Variants in MTARC2 observed in about 807,000 individuals in gnomAD.
MTARC2 encodes the protein MOCO sulphurase C-terminal domain containing 2.
Under a neutral mutation model 35.6 loss-of-function variants are expected in MTARC2, and 27 were observed. The observed-to-expected ratio is 0.76, with a 90% CI of 0.56 to 1.04. The LOEUF is 1.04. Ranked by LOEUF, MTARC2 falls within the 50% of genes least tolerant of loss-of-function variation. The pLI, the probability that MTARC2 is intolerant of heterozygous loss-of-function variation, is 0.00. For synonymous variants in MTARC2, 158 were observed against 167.1 expected, an observed-to-expected ratio of 0.95 and a Z score of 0.42; for missense variants, 412 against 432.5, an observed-to-expected ratio of 0.95 and a Z score of 0.42.
At chr1:220,770,687 T>C (rs1671719128) in intron 4 of MTARC2, 1 of 518,450 alleles carries the variant, frequency 1.9e-6, no homozygotes, top group Non-Finnish European at 2.5e-6. Context: ...CTACTGCCTT[T>C]GGGAATTCAA....
rs536582727 is a variant in MTARC2, at chr1:220,777,262, T to C, written c.751-2756T>C. On this transcript the variant is annotated intron_variant, in intron 4 of 7. Coordinates refer to ENST00000366913, the MANE Select transcript of MTARC2 (RefSeq NM_017898.5). ...TTACTTTAGTCTCTAGCTGTGGTCA[T>C]GCCCTGTAGGAGATTTCTGAGTTTT... Among the ~76,000 whole-genome samples, 13 of 152,324 alleles carry C rather than the reference T, an allele frequency of 8.5e-5. 1 individual carries two copies. The South Asian group carries it at 2.3e-3, about 27-fold the overall frequency.
intron 4 of MTARC2, among the ~76,000 whole-genome samples, chr1:220,777,565 C>T (rs932056940): frequency 5.3e-5 from 8 of 152,156 alleles, no homozygotes; most frequent in Non-Finnish European, 1.0e-4. Context: ...ATTGTTTCTC[C>T]GAATTCCTTA....
chr1:220,770,822 T>A lies in MTARC2; in HGVS notation c.750+7772T>A, dbSNP rs370808488. Among the ~76,000 whole-genome samples, 12 of 152,340 alleles carry A rather than the reference T, an allele frequency of 7.9e-5. 1 individual carries two copies. Among genetic ancestry groups the A allele is most frequent in the African/African-American group, 2.9e-4 (12 of 41,578 alleles). ...AAATTCTCGTGGCCGTAACCTCCCC[T>A]GAGAGGAAACTGGTATGTGGGTGGA... On this transcript the variant is annotated intron_variant, in intron 4 of 7. Transcript: ENST00000366913.
At chr1:220,759,478 G>A (rs967074381) in intron 2 of MTARC2, among the ~76,000 whole-genome samples, 2 of 141,634 alleles carry the variant, frequency 1.4e-5, no homozygotes, top group African/African-American at 4.9e-5. Flanking sequence ...GGCTGGTGGA[G>A]GGATGCCTTC....
Position 220,748,514 on chromosome 1 carries a change from G to A in MTARC2, c.-18G>A. On this transcript the variant is annotated 5_prime_UTR_variant, in exon 1 of 8. Transcript: ENST00000366913. ...CTGCCGGGTCTGTGCGCCGGTCCGC[G>A]CCCGCCCTCGCTCTGCCATGGGCGC... 7.3e-7 allele frequency: 1 copy of A among 1,378,594 alleles called. No individual in the cohort carries two copies. Among genetic ancestry groups the A allele is most frequent in the South Asian group, 1.7e-5 (1 of 59,850 alleles). 85.4% of individuals were successfully genotyped at this position (1,378,594 alleles called of 1,614,324 possible). A position where few individuals can be genotyped will look rare whatever the true frequency, so the allele number is the denominator to read the frequency against.
intron 4 of MTARC2, among the ~76,000 whole-genome samples, chr1:220,769,017 C>T (rs1293824281): frequency 4.6e-5 from 7 of 152,214 alleles, no homozygotes; most frequent in Non-Finnish European, 8.8e-5. Flanking sequence ...GGAGGATAGG[C>T]ATCAGGAGTG....
intron 1 of MTARC2, chr1:220,754,251 C>A: frequency 2.2e-6 from 1 of 451,326 alleles, no homozygotes; most frequent in Non-Finnish European, 4.5e-6. Flanking sequence ...CACTCTTCAG[C>A]TCATCCCATA....
intron 1 of MTARC2, among the ~76,000 whole-genome samples, chr1:220,752,145 C>A (rs1297421556): frequency 2.0e-5 from 3 of 152,186 alleles, no homozygotes; most frequent in Non-Finnish European, 4.4e-5. Context: ...ATACAACAGT[C>A]TGGAGCCACA....
chr1:220,781,757 T>C (rs1454166032), intron 6 of MTARC2, 21 bp from the exon 7 acceptor site: 1 of 1,613,554 alleles, frequency 6.2e-7, no homozygotes, highest in Non-Finnish European at 8.5e-7. Flanking sequence ...TGTCTGATGA[T>C]TGAATTTTTG....
rs1671406815 is a variant in MTARC2 at position 220,760,342 on chromosome 1, GT to G, written c.447-1314del. 3.3e-5 allele frequency among the ~76,000 whole-genome samples: 5 copies of G among 152,304 alleles called. No homozygotes were observed. In the South Asian group the frequency reaches 1.0e-3, roughly 32 times the overall value. On this transcript the variant is annotated intron_variant, in intron 2 of 7. Transcript: ENST00000366913. ...AAATGAAGGGGCCTCCAGTGAAATT[GT>G]TGCTGATAAATCATTAAAAATACTT...
At chr1:220,772,933 G>A (rs930375506) in intron 4 of MTARC2, among the ~76,000 whole-genome samples, 7 of 152,110 alleles carry the variant, frequency 4.6e-5, no homozygotes, top group African/African-American at 7.2e-5. Flanking sequence ...TTTGGGCTTC[G>A]TCTCTGGTTC....
intron 2 of MTARC2, among the ~76,000 whole-genome samples, chr1:220,757,204 A>C (rs381023): frequency 0.36 from 54,999 of 152,210 alleles, 12,652 homozygotes; most frequent in East Asian, 0.75. Flanking sequence ...GCTCAGCCTG[A>C]AGCCTCTTCT....
At chr1:220,782,005 T>A (rs2279637) in intron 7 of MTARC2, 73 bp downstream of exon 7, 56,247 of 1,259,010 alleles carry the variant, frequency 0.045, 1,700 homozygotes, top group East Asian at 0.15. Flanking sequence ...TAATTTTTTT[T>A]ATGTTATGCT....
intron 4 of MTARC2, among the ~76,000 whole-genome samples, chr1:220,779,750 T>C (rs1340705078): frequency 6.6e-6 from 1 of 152,200 alleles, no homozygotes; most frequent in Non-Finnish European, 1.5e-5. Flanking sequence ...CCTGTTAATT[T>C]ATGACTCTCA....
chr1:220,750,367 G>C (rs540539284), intron 1 of MTARC2, among the ~76,000 whole-genome samples: 2 of 152,126 alleles, frequency 1.3e-5, no homozygotes, highest in Non-Finnish European at 2.9e-5. Flanking sequence ...TCGCTTGAAG[G>C]GTTGGTTTCA....
At chr1:220,783,871 C>T (rs1248039300) in intron 7 of MTARC2, 48 bp from the exon 8 acceptor site, 1 of 716,890 alleles carries the variant, frequency 1.4e-6, no homozygotes, top group Non-Finnish European at 2.6e-6. Context: ...TATTTATGAA[C>T]AGTAGGATAA....
rs1572293443 is a variant in MTARC2, at chr1:220,755,218, A to T, written c.446+98A>T. The T allele has an allele frequency of 3.9e-6, 5 of 1,285,634 alleles. No homozygotes were observed. In the East Asian group the frequency reaches 1.2e-4, roughly 32 times the overall value. The allele number at this position is 1,285,634 out of a possible 1,614,324, so 79.6% of individuals were successfully genotyped here. Reference sequence around the variant, plus strand: ...CTTGCTATAGTTTCTACAGTAGAGGATGACATTGGTAAAGGAAACATTTAA... The same window carrying T: ...CTTGCTATAGTTTCTACAGTAGAGGTTGACATTGGTAAAGGAAACATTTAA... On this transcript the variant is annotated intron_variant, in intron 2 of 7. Coordinates refer to ENST00000366913, the MANE Select transcript of MTARC2 (RefSeq NM_017898.5).
At chr1:220,768,723 G>A (rs899828267) in intron 4 of MTARC2, among the ~76,000 whole-genome samples, 2 of 152,174 alleles carry the variant, frequency 1.3e-5, no homozygotes, top group Non-Finnish European at 2.9e-5. Context: ...ACAGGTATCA[G>A]CTTTGGCATA....
At chr1:220,777,509 A>G (rs983126226) in intron 4 of MTARC2, among the ~76,000 whole-genome samples, 1 of 152,236 alleles carries the variant, frequency 6.6e-6, no homozygotes, top group Non-Finnish European at 1.5e-5. Flanking sequence ...CAAGCGAAGC[A>G]GCCAGGGGAG....
Sources: gnomAD v4.1 joint callset for allele counts (sites outside exome capture counted in the v4.1 genomes callset) on GRCh38, gnomAD v4.1.1 for gene constraint, MANE v1.5 for transcripts, NCBI Gene and HGNC (gene_info 2026-07-23, HGNC 2026-07-21) for gene names.